Variants in RAPGEF2 observed in about 807,000 individuals in gnomAD.
RAPGEF2 encodes the protein Rap guanine nucleotide exchange factor 2.
Under a neutral mutation model 186.7 loss-of-function variants are expected in RAPGEF2, and 54 were observed. That is an observed-to-expected ratio of 0.29 (90% CI 0.23 to 0.36). The LOEUF is 0.36. RAPGEF2 is among the 10% of genes least tolerant of loss of function. RAPGEF2 has a pLI of 1.00. For synonymous variants in RAPGEF2, 712 were observed against 705.9 expected (o/e 1.01, Z -0.14); for missense variants, 1,532 against 2,045.0 (o/e 0.75, Z 4.84).
intron 20 of RAPGEF2, among the ~76,000 whole-genome samples, chr4:159,342,670 G>GCACT (rs529284033): frequency 4.3e-4 from 64 of 150,574 alleles, no homozygotes; most frequent in East Asian, 1.8e-3. Context: ...TATGGGCTAA[G>GCACT]CACTGCTATG....
At chr4:159,338,180 T>TTTA in intron 17 of RAPGEF2, 131 bp from the exon 18 acceptor site, 1 of 729,436 alleles carries the variant, frequency 1.4e-6, no homozygotes. Flanking sequence ...TTCAACCAAA[T>TTTA]TTATTAATGG....
chr4:159,242,891 T>C (rs1177234755), intron 6 of RAPGEF2, among the ~76,000 whole-genome samples: 1 of 151,998 alleles, frequency 6.6e-6, no homozygotes, highest in Non-Finnish European at 1.5e-5. Context: ...CAGACTAAAA[T>C]AGTCAGTGGG....
chr4:159,325,606 T>TG (rs1311194759), intron 11 of RAPGEF2, among the ~76,000 whole-genome samples: 1 of 151,898 alleles, frequency 6.6e-6, no homozygotes, highest in Non-Finnish European at 1.5e-5. Context: ...TTTGTTTGTT[T>TG]TTTTTTGAGA....
At chr4:159,293,744 G>C (rs1435207709) in intron 7 of RAPGEF2, among the ~76,000 whole-genome samples, 1 of 152,162 alleles carries the variant, frequency 6.6e-6, no homozygotes, top group Non-Finnish European at 1.5e-5. Context: ...TTGATCAATG[G>C]ACAAATTCCT....
At chr4:159,260,191 A>C (rs894579268) in intron 7 of RAPGEF2, among the ~76,000 whole-genome samples, 1 of 151,670 alleles carries the variant, frequency 6.6e-6, no homozygotes, top group Non-Finnish European at 1.5e-5. Context: ...TGTTGCCCAC[A>C]CTAGTCTTGA....
intron 1 of RAPGEF2, among the ~76,000 whole-genome samples, chr4:159,149,549 G>A (rs994588626): frequency 1.3e-5 from 2 of 152,098 alleles, no homozygotes; most frequent in Admixed American, 6.5e-5. Flanking sequence ...GAGCCACCGC[G>A]CCTGGCCTAA....
intron 1 of RAPGEF2, among the ~76,000 whole-genome samples, chr4:159,148,430 T>G (rs1743172106): frequency 6.6e-6 from 1 of 152,212 alleles, no homozygotes; most frequent in Admixed American, 6.5e-5. Context: ...AGTGTTATGA[T>G]TCCTTAATAA....
intron 7 of RAPGEF2, among the ~76,000 whole-genome samples, chr4:159,249,849 C>T (rs1049875261): frequency 3.3e-5 from 5 of 151,930 alleles, no homozygotes; most frequent in Non-Finnish European, 7.4e-5. Flanking sequence ...ACCCAGATAC[C>T]ATTAATGTTA....
intron 1 of RAPGEF2, among the ~76,000 whole-genome samples, chr4:159,178,943 G>A (rs961638344): frequency 7.2e-5 from 11 of 152,162 alleles, no homozygotes; most frequent in African/African-American, 2.4e-4. Context: ...GTACTTAAAG[G>A]ATGCTTTTGG....
In RAPGEF2 at chr4:159,343,812, GAA is replaced by G. The variant is rs1364989819; in HGVS notation, c.3255-221_3255-220del. On this transcript the variant is annotated intron_variant, in intron 22 of 29. Transcript: ENST00000691494. The stretch of plus-strand genomic sequence containing the variant: ...AAAGTGATTAATTCAGTGAAAGAGA[GAA>G]AAGTCAGTCTTAATTCTAGAACAAA... Among the ~76,000 whole-genome samples, 3 of 152,322 alleles carry G rather than the reference GAA, an allele frequency of 2.0e-5. No homozygotes were observed. In the East Asian group the frequency reaches 5.8e-4, roughly 29 times the overall value.
At chr4:159,122,520 T>C (rs1050536280) in intron 1 of RAPGEF2, among the ~76,000 whole-genome samples, 6 of 152,090 alleles carry the variant, frequency 3.9e-5, no homozygotes, top group African/African-American at 1.4e-4. Context: ...TTATGGACCC[T>C]TACAGATTGT....
chr4:159,296,412 A>G (rs953434870), intron 7 of RAPGEF2, among the ~76,000 whole-genome samples: 8 of 152,216 alleles, frequency 5.3e-5, no homozygotes, highest in Non-Finnish European at 8.8e-5. Context: ...AATTTGATCT[A>G]AATAGCCATT....
intron 4 of RAPGEF2, among the ~76,000 whole-genome samples, chr4:159,225,965 G>GT: frequency 6.6e-6 from 1 of 152,078 alleles, no homozygotes; most frequent in Admixed American, 6.6e-5. Context: ...CTTTTTGAAA[G>GT]TTAAGTCTTT....
At chr4:159,171,472 A>T (rs561366164) in intron 1 of RAPGEF2, among the ~76,000 whole-genome samples, 15 of 152,216 alleles carry the variant, frequency 9.9e-5, no homozygotes, top group African/African-American at 3.4e-4. Flanking sequence ...CAGATACTGA[A>T]CTCAGTCAGT....
chr4:159,127,466 C>G (rs1246551500), intron 1 of RAPGEF2, among the ~76,000 whole-genome samples: 1 of 152,166 alleles, frequency 6.6e-6, no homozygotes, highest in Non-Finnish European at 1.5e-5. Flanking sequence ...CCATGTTCCC[C>G]CCTTCATGAA....
chr4:159,144,580 G>A (rs2111172198), intron 1 of RAPGEF2, among the ~76,000 whole-genome samples: 1 of 152,160 alleles, frequency 6.6e-6, no homozygotes, highest in Middle Eastern at 3.4e-3. Context: ...ATCATTTTAG[G>A]TACTTTGCAG....
chr4:159,104,335 C>G (rs971344288), intron 1 of RAPGEF2, 104 bp downstream of exon 1: 1 of 541,244 alleles, frequency 1.8e-6, no homozygotes, highest in African/African-American at 2.0e-5. Flanking sequence ...CCCCGAGCAC[C>G]CCACTTCTTG....
At chr4:159,184,265 A>G (rs1014631109) in intron 1 of RAPGEF2, among the ~76,000 whole-genome samples, 1 of 152,184 alleles carries the variant, frequency 6.6e-6, no homozygotes. Context: ...CCAGTAATGG[A>G]GTGGCTGGGT....
rs781131941 is a variant in RAPGEF2, at chr4:159,331,551, G to T, written c.1575+13G>T. The T allele has an allele frequency of 3.6e-5, 58 of 1,609,080 alleles. No homozygotes were observed. The highest frequency in any genetic ancestry group is 9.9e-5 in the South Asian group (9 of 90,806). On this transcript the variant is annotated intron_variant, in intron 14 of 29. Transcript: ENST00000691494. ...TCTGGAAAGAGAGGTAATATTTGTG[G>T]TTTTTTTTAAGATCAGCTTAAAGTT...
Sources: gnomAD v4.1 joint callset for allele counts (sites outside exome capture counted in the v4.1 genomes callset) on GRCh38, gnomAD v4.1.1 for gene constraint, MANE v1.5 for transcripts, NCBI Gene and HGNC (gene_info 2026-07-23, HGNC 2026-07-21) for gene names.